The following SPDYC variants were observed in gnomAD, a reference collection of about 807,000 sequenced individuals.
SPDYC encodes the protein speedy/RINGO cell cycle regulator family member C.
Under a neutral mutation model 33.9 loss-of-function variants are expected in SPDYC, and 25 were observed. The ratio of observed to expected loss-of-function variants is 0.74; its 90% CI spans 0.54 to 1.03. SPDYC has a LOEUF of 1.03. SPDYC is among the 50% of genes least tolerant of loss of function. SPDYC has a pLI of 0.00. For synonymous variants in SPDYC, 133 were observed against 140.2 expected (o/e 0.95, Z 0.36); for missense variants, 349 against 382.9 (o/e 0.91, Z 0.74).
chr11:65,172,132 ATT>A (rs1948442390), intron 3 of SPDYC, 112 bp from the exon 4 acceptor site: 1 of 1,506,446 alleles, frequency 6.6e-7, no homozygotes, highest in Non-Finnish European at 9.2e-7. Flanking sequence ...ACTTCCCACC[ATT>A]TTACTGACTT....
rs1403573972 is a variant in SPDYC, at chr11:65,172,334, G to A, written c.344+3G>A. ...CACAGCAGCCTGTTCTTGGCCCTGT[G>A]AGTGGTGGGGGCAGGCAGTGGAGGC... On this transcript the variant is annotated splice_donor_region_variant and intron_variant, in intron 4 of 6. Transcript: ENST00000377185. The A allele has an allele frequency of 3.7e-6, 6 of 1,614,140 alleles. No homozygotes were observed. Among genetic ancestry groups the A allele is most frequent in the Non-Finnish European group, 4.2e-6 (5 of 1,180,022 alleles).
chr11:65,170,405 C>G (rs919908364), intron 1 of SPDYC, 144 bp downstream of exon 1: 28 of 737,660 alleles, frequency 3.8e-5, no homozygotes, highest in Middle Eastern at 2.6e-4. Flanking sequence ...GGGTTTAGGA[C>G]GGGAGCTTGA....
intron 1 of SPDYC, 99 bp downstream of exon 1, chr11:65,170,360 C>A: frequency 7.9e-7 from 1 of 1,259,730 alleles, no homozygotes; most frequent in Non-Finnish European, 1.0e-6. Flanking sequence ...TCTCCTCGGC[C>A]CCGTGGTTGG....
At chr11:65,173,136 G>T (rs375548930) in intron 6 of SPDYC, 47 bp from the exon 7 acceptor site, 1 of 1,611,354 alleles carries the variant, frequency 6.2e-7, no homozygotes, top group Non-Finnish European at 8.5e-7. Flanking sequence ...CCTCCCGTGT[G>T]AGCTTGGCAG....
In SPDYC at chr11:65,171,617, G is replaced by A. The variant is rs1373752347; in HGVS notation, c.199+118G>A. The stretch of plus-strand genomic sequence containing the variant: ...GAGACCTCTGACCCTCTCCCTCTCA[G>A]GTATCCCAGCTTAGGCAGGTGGGAG... On this transcript the variant is annotated intron_variant, in intron 2 of 6. Transcript: ENST00000377185. The A allele has an allele frequency of 8.1e-6, 10 of 1,240,546 alleles. No individual in the cohort carries two copies. The East Asian group carries it at 2.6e-4, about 32-fold the overall frequency. 76.8% of individuals were successfully genotyped at this position (1,240,546 alleles called of 1,614,324 possible).
chr11:65,171,577 C>A, intron 2 of SPDYC, 78 bp downstream of exon 2: 1 of 1,394,994 alleles, frequency 7.2e-7, no homozygotes, highest in Non-Finnish European at 9.5e-7. Flanking sequence ...GTCTCACCTG[C>A]CTGTACAGAC....
Position 65,171,254 on chromosome 11 carries a change from C to T in SPDYC, c.27-73C>T, listed in dbSNP as rs1948428283. 7.2e-6 allele frequency: 11 copies of T among 1,522,004 alleles called. No individual in the cohort carries two copies. In the African/African-American group the frequency reaches 1.6e-4, roughly 21 times the overall value. 94.3% of individuals were successfully genotyped at this position (1,522,004 alleles called of 1,614,324 possible). A position where few individuals can be genotyped will look rare whatever the true frequency, so the allele number is the denominator to read the frequency against. On this transcript the variant is annotated intron_variant, in intron 1 of 6. Coordinates refer to ENST00000377185, the Ensembl canonical transcript of SPDYC. ...GCACCCACCCCTCCACCGTCCTGGCCCCTGTCACCACCCTCTTGATTTGTG... is the reference window on the plus strand; with the variant it reads ...GCACCCACCCCTCCACCGTCCTGGCTCCTGTCACCACCCTCTTGATTTGTG...
intron 2 of SPDYC, 69 bp downstream of exon 2, chr11:65,171,568 T>C: frequency 7.0e-7 from 1 of 1,423,822 alleles, no homozygotes; most frequent in South Asian, 1.5e-5. Flanking sequence ...AAGTGTGGGG[T>C]CTCACCTGCC....
chr11:65,171,929 T>G lies in SPDYC; in HGVS notation c.200-14T>G. 6.2e-7 allele frequency: 1 copy of G among 1,613,894 alleles called. No homozygotes were observed. Among genetic ancestry groups the G allele is most frequent in the South Asian group, 1.1e-5 (1 of 91,070 alleles). ...GTGGTAACCTGCGTCCTGTCATGTC[T>G]TCTCTACCCTCAGAGGACAGTTTTG... On this transcript the variant is annotated splice_polypyrimidine_tract_variant and intron_variant, in intron 2 of 6. Coordinates refer to ENST00000377185, the Ensembl canonical transcript of SPDYC.
intron 1 of SPDYC, among the ~76,000 whole-genome samples, 178 bp from the exon 2 acceptor site, chr11:65,171,149 T>C (rs965867340): frequency 3.9e-5 from 6 of 152,030 alleles, no homozygotes; most frequent in African/African-American, 1.4e-4. Context: ...CCCTCACCTA[T>C]AGCAACTCTT....
chr11:65,172,575 G>A, exon 5 of SPDYC: 1 of 1,555,900 alleles, frequency 6.4e-7, no homozygotes, highest in South Asian at 1.2e-5. Flanking sequence ...TGGGTTTCCG[G>A]GCTGTTGTGA....
At chr11:65,173,282 C>G (rs1948461881), downstream of SPDYC, 1 of 1,549,244 alleles carries the variant, frequency 6.5e-7, no homozygotes, top group Non-Finnish European at 8.7e-7. Context: ...TGGCTGTGCT[C>G]CCACCCCTGC....
chr11:65,171,117 G>C (rs1341954625), intron 1 of SPDYC, among the ~76,000 whole-genome samples: 1 of 152,030 alleles, frequency 6.6e-6, no homozygotes, highest in Non-Finnish European at 1.5e-5. Context: ...TGGGGTGCCA[G>C]GAGGAGGGTG....
In SPDYC at chr11:65,171,457, T is replaced by C. The variant is rs771154442; in HGVS notation, c.157T>C (p.Phe53Leu). 167 of 1,596,176 alleles carry C rather than the reference T, an allele frequency of 1.0e-4. No individual in the cohort carries two copies. Among genetic ancestry groups the C allele is most frequent in the Non-Finnish European group, 1.4e-4 (159 of 1,173,078 alleles). Residue 53 changes from phenylalanine (F) to leucine (L), a missense_variant, in exon 2 of 7, where the codon TTT becomes CTT. Phe to Leu is a conservative substitution (Grantham distance 22). Transcript: ENST00000377185. Reference sequence around the variant, plus strand: ...AGGTGGGGGCAATGGGTTCCTCCGTTTTCGCCAGCACCAGGAGGTCCAGGC... The same window carrying C: ...AGGTGGGGGCAATGGGTTCCTCCGTCTTCGCCAGCACCAGGAGGTCCAGGC...
intron 1 of SPDYC, 25 bp downstream of exon 1, chr11:65,170,286 T>A: frequency 6.4e-7 from 1 of 1,570,266 alleles, no homozygotes. Flanking sequence ...AGGAGGAGGC[T>A]GGGTTGCTTG....
chr11:65,172,599 TGAG>T, exon 5 of SPDYC: 2 of 1,551,868 alleles, frequency 1.3e-6, no homozygotes, highest in Non-Finnish European at 1.7e-6. Context: ...GCCAGTGCTG[TGAG>T]GAGGTGAGGC....
downstream of SPDYC, chr11:65,173,268 C>A: frequency 6.3e-7 from 1 of 1,597,814 alleles, no homozygotes; most frequent in Middle Eastern, 1.7e-4. Flanking sequence ...GACTGACACA[C>A]CATTGGCTGT....
rs754188764 is a variant in SPDYC, at chr11:65,172,981, A to T, written c.814A>T (p.Met272Leu). 6 of 1,613,902 alleles carry T rather than the reference A, an allele frequency of 3.7e-6. No homozygotes were observed. In the South Asian group the frequency reaches 5.5e-5, roughly 15 times the overall value. ...CTTTCTCATCGTCTTGCCTCCCCAG[A>T]TGCAACTGGAACCAGGCACCTACTC... Residue 272 changes from methionine to leucine, a missense_variant, in exon 6 of 7, where the codon ATG (methionine) becomes TTG (leucine). Physicochemically the swap from Met to Leu is conservative, Grantham distance 15. Coordinates refer to ENST00000377185, the Ensembl canonical transcript of SPDYC.
At chr11:65,173,247 G>C, downstream of SPDYC, 2 of 1,610,618 alleles carry the variant, frequency 1.2e-6, no homozygotes, top group Non-Finnish European at 1.7e-6. Context: ...CAGCACGCCT[G>C]CTGGCCCACT....
Sources: allele counts gnomAD v4.1 joint callset (sites outside exome capture counted in the v4.1 genomes callset), GRCh38; gene constraint gnomAD v4.1.1; transcripts MANE v1.5; gene names NCBI Gene and HGNC (gene_info 2026-07-23, HGNC 2026-07-21).